The following PCBP2 variants were observed in gnomAD, a reference collection of about 807,000 sequenced individuals.
The protein encoded by PCBP2 is poly(rC)-binding protein 2.
PCBP2 carries 4 observed loss-of-function variants against 50.1 expected under a neutral mutation model. The ratio of observed to expected loss-of-function variants is 0.08; its 90% CI spans 0.04 to 0.18. PCBP2 has a LOEUF of 0.18. PCBP2 is among the 10% of genes least tolerant of loss of function. PCBP2 has a pLI of 1.00. For missense variants in PCBP2, 161 were observed against 474.3 expected, an observed-to-expected ratio of 0.34 and a Z score of 6.14; for synonymous variants, 179 against 168.0, an observed-to-expected ratio of 1.07 and a Z score of -0.51.
At chr12:53,452,605 T>G in intron 1 of PCBP2, among the ~76,000 whole-genome samples, 1 of 147,454 alleles carries the variant, frequency 6.8e-6, no homozygotes, top group Non-Finnish European at 1.5e-5. Flanking sequence ...CTTTTCCCGG[T>G]GGCGGCTGCG....
intron 9 of PCBP2, 73 bp downstream of exon 9, chr12:53,464,925 G>C (rs1410217026): frequency 2.0e-6 from 3 of 1,476,694 alleles, no homozygotes; most frequent in Non-Finnish European, 2.7e-6. Context: ...ACACACGGGG[G>C]GCCAGTGGCG....
intron 13 of PCBP2, among the ~76,000 whole-genome samples, chr12:53,470,804 G>A (rs1266988566): frequency 2.7e-5 from 4 of 150,616 alleles, no homozygotes; most frequent in Non-Finnish European, 5.9e-5. Flanking sequence ...AACACCTTAG[G>A]AATTGGCCAG....
rs181676296 is a variant in PCBP2, at chr12:53,475,046, C to T, written c.1052+3239C>T. 5.7e-4 allele frequency: 261 copies of T among 456,524 alleles called. No homozygotes were observed. In the East Asian group the frequency reaches 0.013, roughly 22 times the overall value. 28.3% of individuals were successfully genotyped at this position (456,524 alleles called of 1,614,324 possible). A position where few individuals can be genotyped will look rare whatever the true frequency, so the allele number is the denominator to read the frequency against. ...CCAGCCTCCCCAACCCTCTTCCGAC[C>T]GCCCCTTGTGTCTCCAGTCTGCTTG... On this transcript the variant is annotated intron_variant, in intron 14 of 14. Transcript: ENST00000546463.
chr12:53,468,980 G>T lies in PCBP2; in HGVS notation c.882+148G>T, dbSNP rs780722641. On this transcript the variant is annotated intron_variant, in intron 13 of 14. Transcript: ENST00000546463. ...TGCAGTGGTGCGATCTTGGCTCACC[G>T]CAGCCTCCGCCTCCCGGGTTCAACC... The T allele has an allele frequency of 6.5e-5, 38 of 582,276 alleles. No homozygotes were observed. In the South Asian group the frequency reaches 7.5e-4, roughly 12 times the overall value. 36.1% of individuals were successfully genotyped at this position (582,276 alleles called of 1,614,324 possible).
At chr12:53,468,128 T>G in intron 12 of PCBP2, 1 of 347,306 alleles carries the variant, frequency 2.9e-6, no homozygotes, top group South Asian at 1.0e-4. Context: ...TGGGTACGGG[T>G]ATTTGCTGAT....
At chr12:53,452,703 G>C (rs979902277) in intron 1 of PCBP2, 1 of 151,962 alleles carries the variant, frequency 6.6e-6, no homozygotes, top group Non-Finnish European at 1.5e-5. Context: ...TGGCCGGCTT[G>C]CTGGCCGGGC....
intron 5 of PCBP2, 36 bp from the exon 6 acceptor site, chr12:53,459,236 G>C: frequency 6.5e-7 from 1 of 1,541,496 alleles, no homozygotes; most frequent in Non-Finnish European, 8.8e-7. Flanking sequence ...CTAGTTTCCA[G>C]GGATCTGCTT....
intron 1 of PCBP2, among the ~76,000 whole-genome samples, chr12:53,453,674 T>C (rs890575035): frequency 2.6e-5 from 4 of 152,182 alleles, no homozygotes; most frequent in African/African-American, 9.6e-5. Flanking sequence ...GATGGATACT[T>C]AAAATGTCAT....
chr12:53,462,709 T>C, intron 8 of PCBP2, 142 bp downstream of exon 8: 1 of 610,182 alleles, frequency 1.6e-6, no homozygotes, highest in South Asian at 2.9e-5. Context: ...TAGTTTTATT[T>C]TTGTACTGGA....
intron 14 of PCBP2, 100 bp from the exon 15 acceptor site, chr12:53,479,306 C>T: frequency 9.8e-7 from 1 of 1,021,424 alleles, no homozygotes; most frequent in Middle Eastern, 2.0e-4. Context: ...CTTGGTACTC[C>T]AGCACTGGTT....
chr12:53,471,979 C>A (rs1942269007), intron 14 of PCBP2, among the ~76,000 whole-genome samples, 172 bp downstream of exon 14: 1 of 129,514 alleles, frequency 7.7e-6, no homozygotes. Context: ...AAAAAGTAAA[C>A]TGCAGTAAGT....
intron 14 of PCBP2, chr12:53,474,980 C>T (rs1180278133): frequency 1.1e-5 from 5 of 456,648 alleles, no homozygotes; most frequent in African/African-American, 1.0e-4. Context: ...CCTCCACCAC[C>T]ACCCCCTCGC....
chr12:53,453,999 T>C (rs1014981495), intron 1 of PCBP2, among the ~76,000 whole-genome samples: 1 of 152,186 alleles, frequency 6.6e-6, no homozygotes, highest in Admixed American at 6.5e-5. Context: ...AACTGGATGG[T>C]AAACACAAAA....
intron 1 of PCBP2, chr12:53,452,859 G>C (rs1020582005): frequency 6.6e-6 from 1 of 152,192 alleles, no homozygotes; most frequent in Non-Finnish European, 1.5e-5. Flanking sequence ...CGAGGGAAGG[G>C]GGGGCTTTTT....
chr12:53,454,086 A>C (rs1940802830), intron 1 of PCBP2, among the ~76,000 whole-genome samples: 2 of 152,212 alleles, frequency 1.3e-5, no homozygotes, highest in Non-Finnish European at 2.9e-5. Context: ...AAGTGTACTT[A>C]ATGTATCGAG....
chr12:53,461,100 C>G lies in PCBP2; in HGVS notation c.461C>G (p.Ser154Cys). The G allele has an allele frequency of 6.2e-7, 1 of 1,614,048 alleles. No homozygotes were observed. The highest frequency in any genetic ancestry group is 8.5e-7 in the Non-Finnish European group (1 of 1,179,978). ...ATCACTATTGCTGGCATTCCACAAT[C>G]CATCATTGAGTGTGTCAAACAGATC... is the stretch of plus-strand genomic sequence containing the variant. Reference protein sequence around the residue: ...RAITIAGIPQSIIECVKQICV... With the variant: ...RAITIAGIPQCIIECVKQICV... The change falls in exon 7 of 15, where the codon TCC becomes TGC. Residue 154 changes from serine to cysteine, a missense_variant. Physicochemically the swap from Ser to Cys is moderately radical, Grantham distance 112. Transcript: ENST00000546463.
intron 5 of PCBP2, 156 bp downstream of exon 5, chr12:53,456,157 A>G: frequency 1.6e-6 from 1 of 643,206 alleles, no homozygotes; most frequent in East Asian, 2.6e-5. Context: ...AAATTCGAGC[A>G]TTTGTAGTTT....
At chr12:53,458,643 ATTT>A (rs3049328) in intron 5 of PCBP2, among the ~76,000 whole-genome samples, 2 of 123,364 alleles carry the variant, frequency 1.6e-5, no homozygotes, top group Non-Finnish European at 1.8e-5. Context: ...ATTTGACTTA[ATTT>A]TTTTTTTTTT....
intron 6 of PCBP2, chr12:53,459,722 T>C (rs1941305475): frequency 3.6e-6 from 1 of 277,006 alleles, no homozygotes; most frequent in Non-Finnish European, 7.3e-6. Flanking sequence ...GAGTTTGCTA[T>C]AGTAGCAACG....
Sources: gnomAD v4.1 joint callset for allele counts (sites outside exome capture counted in the v4.1 genomes callset) on GRCh38, gnomAD v4.1.1 for gene constraint, MANE v1.5 for transcripts, NCBI Gene and HGNC (gene_info 2026-07-23, HGNC 2026-07-21) for gene names.